CSAD: variants seen among roughly 807,000 people sequenced by gnomAD.
The protein encoded by CSAD is P-selectin cytoplasmic tail-associated protein.
In CSAD, 47 loss-of-function variants were observed where a neutral mutation model predicts 61.5. The observed-to-expected ratio is 0.76, with a 90% confidence interval of 0.60 to 0.97. The LOEUF is 0.97. CSAD is among the 50% of genes least tolerant of loss of function. The pLI, the probability that CSAD is intolerant of heterozygous loss-of-function variation, is 0.00. For synonymous variants in CSAD, 245 were observed against 252.7 expected (o/e 0.97, Z 0.29); for missense variants, 611 against 643.6 (o/e 0.95, Z 0.55).
At chr12:53,161,040 C>A in intron 12 of CSAD, 87 bp downstream of exon 12, 1 of 1,399,698 alleles carries the variant, frequency 7.1e-7, no homozygotes, top group Non-Finnish European at 1.0e-6. Context: ...CCTCCTACCC[C>A]AGCCATGTTA....
Position 53,159,874 on chromosome 12 carries a change from A to C in CSAD, c.1218+13T>G, listed in dbSNP as rs900401953. 1.9e-6 allele frequency: 3 copies of C among 1,587,218 alleles called. No homozygotes were observed. In the African/African-American group the frequency reaches 4.0e-5, roughly 21 times the overall value. The stretch of plus-strand genomic sequence containing the variant: ...GGCTGGGGCAGGGGCCACAAAATAG[A>C]AAGGGGTCCTACCTCCATGACTAGC... On this transcript the variant is annotated intron_variant, in intron 15 of 16. Transcript: ENST00000444623.
At chr12:53,176,444 G>C (rs1941111923) in intron 2 of CSAD, among the ~76,000 whole-genome samples, 1 of 151,874 alleles carries the variant, frequency 6.6e-6, no homozygotes, top group Non-Finnish European at 1.5e-5. Flanking sequence ...AAGGGGCTGG[G>C]AGCAGTGGCT....
chr12:53,164,194 G>T (rs1010397550), intron 10 of CSAD, among the ~76,000 whole-genome samples: 2 of 152,044 alleles, frequency 1.3e-5, no homozygotes, highest in East Asian at 3.9e-4. Context: ...GCTTGGATTA[G>T]GTTAAATATA....
intron 10 of CSAD, 93 bp downstream of exon 10, chr12:53,169,979 A>T (rs1161176240): frequency 1.8e-6 from 2 of 1,098,152 alleles, no homozygotes; most frequent in Non-Finnish European, 2.8e-6. Context: ...CATGGAGACG[A>T]GAGGGATGAA....
chr12:53,164,117 C>T (rs1469157648), intron 10 of CSAD, among the ~76,000 whole-genome samples: 1 of 152,196 alleles, frequency 6.6e-6, no homozygotes, highest in East Asian at 1.9e-4. Flanking sequence ...TATTGGATCA[C>T]AGGCCTAAAT....
Position 53,173,781 on chromosome 12 carries a change from C to G in CSAD, c.-49-11G>C, listed in dbSNP as rs1258792207. 5 of 1,613,130 alleles carry G rather than the reference C, an allele frequency of 3.1e-6. No homozygotes were observed. The highest frequency in any genetic ancestry group is 4.2e-6 in the Non-Finnish European group (5 of 1,179,404). On this transcript the variant is annotated splice_polypyrimidine_tract_variant and intron_variant, in intron 2 of 16. Transcript: ENST00000444623. ...GTGCACAGGTAGCTCCTCAGGACAGCAGGACCAAGATGGCAGAGGAAGTGG... is the reference window on the plus strand; with the variant it reads ...GTGCACAGGTAGCTCCTCAGGACAGGAGGACCAAGATGGCAGAGGAAGTGG...
At position 53,170,511 on chromosome 12, in the gene CSAD, G is replaced by A. The variant is rs765710322; in HGVS notation, c.568-9C>T. 1.8e-5 allele frequency: 29 copies of A among 1,612,496 alleles called. No homozygotes were observed. The highest frequency in any genetic ancestry group is 2.4e-5 in the Non-Finnish European group (28 of 1,178,638). On this transcript the variant is annotated splice_polypyrimidine_tract_variant and intron_variant, in intron 8 of 16. Coordinates refer to ENST00000444623, the MANE Select transcript of CSAD (RefSeq NM_001244705.2). ...TGGATGGAGTAGTGACACTGTGGGG[G>A]AAGGCAGAGGGCAAGTTAGCACAAC... is the stretch of plus-strand genomic sequence containing the variant.
intron 2 of CSAD, among the ~76,000 whole-genome samples, chr12:53,178,097 T>C (rs1183506442): frequency 6.6e-6 from 1 of 152,158 alleles, no homozygotes; most frequent in Non-Finnish European, 1.5e-5. Flanking sequence ...GTTGTAGGAA[T>C]AGGGAACATT....
chr12:53,173,269 GA>G (rs1291117729), intron 4 of CSAD, 75 bp downstream of exon 4: 18 of 1,361,102 alleles, frequency 1.3e-5, no homozygotes, highest in Non-Finnish European at 1.8e-5. Flanking sequence ...GGGGGAGAAA[GA>G]AAAGAAAGGA....
chr12:53,178,460 C>T, intron 2 of CSAD: 1 of 434,576 alleles, frequency 2.3e-6, no homozygotes, highest in Non-Finnish European at 4.6e-6. Context: ...CCATTGCACT[C>T]CAGCCTGGGC....
Position 53,171,450 on chromosome 12 carries a change from G to A in CSAD, c.452-9C>T. On this transcript the variant is annotated splice_polypyrimidine_tract_variant and intron_variant, in intron 7 of 16. Transcript: ENST00000444623. ...GTTGGAGATGGAGCCACCTGTCACA[G>A]GGAGGGGGCGGTGGCAAGAGGAAGG... is the stretch of plus-strand genomic sequence containing the variant. 1 of 1,613,066 alleles carries A rather than the reference G, an allele frequency of 6.2e-7. No homozygotes were observed. Among genetic ancestry groups the A allele is most frequent in the Non-Finnish European group, 8.5e-7 (1 of 1,179,840 alleles).
chr12:53,171,740 G>T, intron 7 of CSAD, 142 bp downstream of exon 7: 1 of 648,138 alleles, frequency 1.5e-6, no homozygotes, highest in Non-Finnish European at 2.7e-6. Flanking sequence ...CCAGGCAGCC[G>T]CCTCCCTGGC....
At position 53,166,433 on chromosome 12, in the gene CSAD, T is replaced by G. The variant is rs559956155; in HGVS notation, c.702+3639A>C. 2.6e-5 allele frequency: 4 copies of G among 156,646 alleles called. No homozygotes were observed. In the South Asian group the frequency reaches 8.1e-4, roughly 32 times the overall value. The allele number at this position is 156,646 out of a possible 1,614,324, so 9.7% of individuals were successfully genotyped here. ...GTCATGGAGACAGAAAGTAGAATGG[T>G]GGCTGCCAGGGGCTGGAAGAGGGGG... On this transcript the variant is annotated intron_variant, in intron 10 of 16. Coordinates refer to ENST00000444623, the MANE Select transcript of CSAD (RefSeq NM_001244705.2).
chr12:53,165,697 A>G (rs1459328467), intron 10 of CSAD, among the ~76,000 whole-genome samples: 1 of 151,984 alleles, frequency 6.6e-6, no homozygotes, highest in Non-Finnish European at 1.5e-5. Flanking sequence ...AGAAGAAAAT[A>G]ACAAGCGTTG....
intron 1 of CSAD, chr12:53,179,847 G>A (rs1471942991): frequency 3.7e-6 from 6 of 1,613,426 alleles, no homozygotes; most frequent in Non-Finnish European, 5.1e-6. Context: ...ATCTTTAGCA[G>A]GACCTCTCTC....
Position 53,179,731 on chromosome 12 carries a change from G to A in CSAD, c.-90-589C>T, listed in dbSNP as rs187507620. ...CATCATACAGTTTTTTTTTTCTTTT[G>A]GTATCACCATTACTTCTCCTAAAGT... On this transcript the variant is annotated intron_variant, in intron 1 of 16. Coordinates refer to ENST00000444623, the MANE Select transcript of CSAD (RefSeq NM_001244705.2). 18 of 1,264,468 alleles carry A rather than the reference G, an allele frequency of 1.4e-5. No homozygotes were observed. In the African/African-American group the frequency reaches 1.9e-4, roughly 14 times the overall value. The allele number at this position is 1,264,468 out of a possible 1,614,324, so 78.3% of individuals were successfully genotyped here.
intron 10 of CSAD, among the ~76,000 whole-genome samples, chr12:53,163,018 G>A (rs1438472219): frequency 2.0e-5 from 3 of 150,874 alleles, no homozygotes; most frequent in Admixed American, 6.6e-5. Flanking sequence ...CCAAGATCAC[G>A]CCATTGCACC....
At chr12:53,172,697 G>C in intron 4 of CSAD, 49 bp from the exon 5 acceptor site, 2 of 1,564,314 alleles carry the variant, frequency 1.3e-6, no homozygotes, top group Non-Finnish European at 1.7e-6. Context: ...CTGTGGACTG[G>C]CTGTCAAACC....
Position 53,171,441 on chromosome 12 carries a change from C to G in CSAD, c.452G>C (p.Gly151Ala). ...WSSGDGIFCP[G>A]GSISNMYAVN... ...AGCATACATGTTGGAGATGGAGCCACCTGTCACAGGGAGGGGGCGGTGGCA... is the reference window on the plus strand; with the variant it reads ...AGCATACATGTTGGAGATGGAGCCAGCTGTCACAGGGAGGGGGCGGTGGCA... Residue 151 changes from glycine (G) to alanine (A), a missense_variant and splice_region_variant, in exon 8 of 17, where the codon GGT becomes GCT. Transcript: ENST00000444623. The G allele has an allele frequency of 6.2e-7, 1 of 1,613,456 alleles. No homozygotes were observed. Among genetic ancestry groups the G allele is most frequent in the Admixed American group, 1.7e-5 (1 of 59,952 alleles).
Sources: gnomAD v4.1 joint callset for allele counts (sites outside exome capture counted in the v4.1 genomes callset) on GRCh38, gnomAD v4.1.1 for gene constraint, MANE v1.5 for transcripts, NCBI Gene and HGNC (gene_info 2026-07-23, HGNC 2026-07-21) for gene names.